The following RAI1 variants were observed in gnomAD, a reference collection of about 807,000 sequenced individuals.
The protein encoded by RAI1 is retinoic acid-induced protein 1.
In RAI1, 9 loss-of-function variants were observed where a neutral mutation model predicts 123.8. The ratio of observed to expected loss-of-function variants is 0.07; its 90% CI spans 0.04 to 0.13. The LOEUF (loss-of-function observed/expected upper bound fraction) is 0.13, where lower values mean the gene tolerates loss of function less well. Among genes scored for constraint, RAI1 ranks in the 10% least tolerant of loss-of-function variants. The pLI, the probability that RAI1 is intolerant of heterozygous loss-of-function variation, is 1.00. For synonymous variants in RAI1, 1,231 were observed against 1,127.3 expected (o/e 1.09, Z -1.84); for missense variants, 2,256 against 2,545.8 (o/e 0.89, Z 2.45).
At chr17:17,786,421 C>G (rs1300819263) in intron 2 of RAI1, among the ~76,000 whole-genome samples, 3 of 152,194 alleles carry the variant, frequency 2.0e-5, no homozygotes, top group Non-Finnish European at 4.4e-5. Context: ...TCTCATGGAA[C>G]TTTTGTTCTA....
In RAI1 at chr17:17,801,409, C is replaced by T. The variant is rs1372036505; in HGVS notation, c.5566-2347C>T. ...CACTCTCTCTGCATCTTAGTTTCTTCACATCTAAAATGCTATTCATATGCC... is the reference window on the plus strand; with the variant it reads ...CACTCTCTCTGCATCTTAGTTTCTTTACATCTAAAATGCTATTCATATGCC... On this transcript the variant is annotated intron_variant, in intron 3 of 5. Transcript: ENST00000353383. This position sits in a 1 kb window ranked among gnomAD's most constrained non-coding sequence, Gnocchi z 4.1. Among the ~76,000 whole-genome samples, 2 of 152,188 alleles carry T rather than the reference C, an allele frequency of 1.3e-5. No individual in the cohort carries two copies. The highest frequency in any genetic ancestry group is 2.9e-5 in the Non-Finnish European group (2 of 68,036).
At position 17,686,209 on chromosome 17, in the gene RAI1, GC is replaced by G. The variant is rs113373062; in HGVS notation, c.-149+4420del. On this transcript the variant is annotated intron_variant, in intron 1 of 5. Coordinates refer to ENST00000353383, the MANE Select transcript of RAI1 (RefSeq NM_030665.4). ...GCCAGGTGAGGTGGAGAGGGTGAGA[GC>G]CCCAACATTGTCTCCCGTGGGCCCC... is the stretch of plus-strand genomic sequence containing the variant. Among the ~76,000 whole-genome samples the G allele has an allele frequency of 1.5e-4, 22 of 151,000 alleles. 1 individual carries two copies. Among genetic ancestry groups the G allele is most frequent in the African/African-American group, 5.1e-4 (21 of 41,076 alleles).
chr17:17,716,568 A>G (rs1289199684), intron 1 of RAI1, among the ~76,000 whole-genome samples: 3 of 151,864 alleles, frequency 2.0e-5, no homozygotes, highest in African/African-American at 7.3e-5. Flanking sequence ...GTGCATGTGT[A>G]TGTGGTTTTG....
At chr17:17,790,273 C>T (rs556002828) in intron 2 of RAI1, among the ~76,000 whole-genome samples, 3 of 152,252 alleles carry the variant, frequency 2.0e-5, no homozygotes, top group Admixed American at 1.3e-4. Flanking sequence ...CACTGAGAGG[C>T]GGCCTGTGCC....
intron 3 of RAI1, among the ~76,000 whole-genome samples, chr17:17,802,442 G>A (rs2032492764): frequency 6.6e-6 from 1 of 152,186 alleles, no homozygotes. Flanking sequence ...TTCACCATCT[G>A]TAAAGTGAGA....
chr17:17,803,613 T>C, intron 3 of RAI1, 143 bp from the exon 4 acceptor site: 1 of 763,068 alleles, frequency 1.3e-6, no homozygotes, highest in Middle Eastern at 3.6e-4. Context: ...ATCAAACTCC[T>C]GGACTCAGGC....
At chr17:17,748,795 C>G (rs1398842069) in intron 2 of RAI1, among the ~76,000 whole-genome samples, 1 of 152,048 alleles carries the variant, frequency 6.6e-6, no homozygotes, top group Non-Finnish European at 1.5e-5. Context: ...TGAAAGCTGG[C>G]GGCAGGGACC....
chr17:17,792,882 T>TCCCCCCC, intron 2 of RAI1, 51 bp from the exon 3 acceptor site: 1 of 432,930 alleles, frequency 2.3e-6, no homozygotes, highest in South Asian at 1.8e-5. Flanking sequence ...TCCCTGCCCA[T>TCCCCCCC]CCTCCCCTCC....
At chr17:17,695,816 C>T (rs1253969830) in intron 1 of RAI1, among the ~76,000 whole-genome samples, 1 of 152,220 alleles carries the variant, frequency 6.6e-6, no homozygotes, top group Non-Finnish European at 1.5e-5. Flanking sequence ...GCCACTATGC[C>T]CGGCCTCCCC....
Position 17,717,624 on chromosome 17 carries a change from C to T in RAI1, c.-148-6404C>T, listed in dbSNP as rs570962099. ...TCCTCCCCACTCCCCAATCTGTCTT[C>T]CTTTGCAGCTGCCCTGTCCTCTCTT... is the stretch of plus-strand genomic sequence containing the variant. On this transcript the variant is annotated intron_variant, in intron 1 of 5. Coordinates refer to ENST00000353383, the MANE Select transcript of RAI1 (RefSeq NM_030665.4). Among the ~76,000 whole-genome samples the T allele has an allele frequency of 1.1e-4, 16 of 152,306 alleles. No homozygotes were observed. In the South Asian group the frequency reaches 3.1e-3, roughly 30 times the overall value.
intron 2 of RAI1, among the ~76,000 whole-genome samples, chr17:17,775,228 G>A (rs988164631): frequency 7.3e-6 from 1 of 137,378 alleles, no homozygotes; most frequent in African/African-American, 2.6e-5. Context: ...TTTTGAGACA[G>A]GGTCTTGCTC....
intron 2 of RAI1, among the ~76,000 whole-genome samples, chr17:17,766,824 T>G (rs2030952494): frequency 6.6e-6 from 1 of 152,162 alleles, no homozygotes; most frequent in Admixed American, 6.5e-5. Flanking sequence ...CCACTGTCTC[T>G]GAGGCCTGGG....
chr17:17,788,282 C>T (rs1015854973), intron 2 of RAI1, among the ~76,000 whole-genome samples: 1 of 152,156 alleles, frequency 6.6e-6, no homozygotes, highest in African/African-American at 2.4e-5. Context: ...TGGACCCTAA[C>T]CTGTCCCAGA....
intron 2 of RAI1, among the ~76,000 whole-genome samples, chr17:17,740,783 C>T (rs531847952): frequency 4.6e-5 from 7 of 152,288 alleles, no homozygotes; most frequent in African/African-American, 1.2e-4. Context: ...TTGCCCACCC[C>T]GGCAAGCCCC....
chr17:17,694,030 T>TC (rs1222510266), intron 1 of RAI1, among the ~76,000 whole-genome samples: 1 of 152,226 alleles, frequency 6.6e-6, no homozygotes, highest in African/African-American at 2.4e-5. Flanking sequence ...GAGTCACCTG[T>TC]CCTGGCCCAG....
intron 2 of RAI1, among the ~76,000 whole-genome samples, chr17:17,752,908 C>T (rs757955344): frequency 2.2e-4 from 33 of 152,186 alleles, no homozygotes; most frequent in Non-Finnish European, 4.0e-4. Context: ...GGGCAGGGCC[C>T]TGTCTGTGGC....
At chr17:17,709,457 C>A (rs1341371259) in intron 1 of RAI1, among the ~76,000 whole-genome samples, 1 of 152,252 alleles carries the variant, frequency 6.6e-6, no homozygotes. Flanking sequence ...AGGCCCCTGC[C>A]TGCCTCGGCC....
Position 17,800,452 on chromosome 17 carries a change from C to T in RAI1, c.5565+1939C>T, listed in dbSNP as rs148114764. ...TGAGATCAGGTCGTCTCCACATCCC[C>T]TGCAGCCAGCACTGGCCGGCCGAAG... On this transcript the variant is annotated intron_variant, in intron 3 of 5. Transcript: ENST00000353383. This position sits in a 1 kb window ranked among gnomAD's most constrained non-coding sequence, Gnocchi z 4.7. Among the ~76,000 whole-genome samples the T allele has an allele frequency of 9.3e-3, 1,414 of 152,318 alleles. 14 individuals carry two copies. The highest frequency in any genetic ancestry group is 0.024 in the South Asian group (115 of 4,832).
intron 1 of RAI1, among the ~76,000 whole-genome samples, chr17:17,705,752 A>G (rs969083925): frequency 1.3e-5 from 2 of 151,322 alleles, no homozygotes; most frequent in Non-Finnish European, 2.9e-5. Flanking sequence ...AAGGCTGGGC[A>G]CGGTGGCTCA....
Sources: gnomAD v4.1 joint callset for allele counts (sites outside exome capture counted in the v4.1 genomes callset) on GRCh38, gnomAD v4.1.1 for gene constraint, Gnocchi (gnomAD v3.1) non-coding constraint, MANE v1.5 for transcripts, NCBI Gene and HGNC (gene_info 2026-07-23, HGNC 2026-07-21) for gene names.